Variants in TUFT1 observed in about 807,000 individuals in gnomAD.
TUFT1 encodes tuftelin.
TUFT1 carries 43 observed loss-of-function variants against 57.8 expected under a neutral mutation model. That is an observed-to-expected ratio of 0.74 (90% CI 0.58 to 0.96). The LOEUF is 0.96. Ranked by LOEUF, TUFT1 falls within the 40% of genes least tolerant of loss-of-function variation. TUFT1 has a pLI of 0.00. For synonymous variants in TUFT1, 166 were observed against 176.7 expected, an observed-to-expected ratio of 0.94 and a Z score of 0.48; for missense variants, 459 against 489.0, an observed-to-expected ratio of 0.94 and a Z score of 0.58.
At chr1:151,557,989 TAAAAAA>T (rs961018076) in intron 1 of TUFT1, 1 of 333,818 alleles carries the variant, frequency 3.0e-6, no homozygotes, top group Admixed American at 3.9e-5. Flanking sequence ...CAAAAAAACT[TAAAAAA>T]AAAAAAAGAA....
Position 151,564,566 on chromosome 1 carries a change from C to T in TUFT1, c.366C>T (p.Ser122=). The T allele has an allele frequency of 6.2e-7, 1 of 1,614,150 alleles. No homozygotes were observed. Among genetic ancestry groups the T allele is most frequent in the Non-Finnish European group, 8.5e-7 (1 of 1,180,020 alleles). Residue 122 remains serine, a synonymous_variant, in exon 5 of 13, where the codon AGC becomes AGT. Coordinates refer to ENST00000368849, the MANE Select transcript of TUFT1 (RefSeq NM_020127.3). ...AGAAGCTCCGGGAGGATATAAGTAG[C>T]AAGCTTGACAGGAACCTAGGAGATT... is the stretch of plus-strand genomic sequence containing the variant. ...CLQKLREDIS[S]KLDRNLGDSL...
Position 151,574,407 on chromosome 1 carries a change from G to C in TUFT1, c.723+9G>C. ...TGCTAGGGATGGAGACGGTAACCGG[G>C]GGATCTTGCTTGTCAGTGCCTGGAC... On this transcript the variant is annotated intron_variant, in intron 8 of 12. Coordinates refer to ENST00000368849, the MANE Select transcript of TUFT1 (RefSeq NM_020127.3). The C allele has an allele frequency of 1.2e-6, 2 of 1,613,822 alleles. No homozygotes were observed. The highest frequency in any genetic ancestry group is 1.7e-6 in the Non-Finnish European group (2 of 1,179,902).
intron 4 of TUFT1, 106 bp downstream of exon 4, chr1:151,564,096 C>T (rs1291993507): frequency 1.1e-6 from 1 of 874,534 alleles, no homozygotes. Context: ...CTTCTTTTTC[C>T]TTTATGTCTC....
chr1:151,579,547 G>T, intron 10 of TUFT1, 102 bp from the exon 11 acceptor site: 1 of 1,096,244 alleles, frequency 9.1e-7, no homozygotes, highest in Non-Finnish European at 1.4e-6. Context: ...GTCATATGGA[G>T]TTGCAGGGCT....
rs1271721767 is a variant in TUFT1 at position 151,564,584 on chromosome 1, A to G, written c.384A>G (p.Leu128=). The change falls in exon 5 of 13, where the codon CTA becomes CTG. Residue 128 remains leucine (L), a synonymous_variant. Coordinates refer to ENST00000368849, the MANE Select transcript of TUFT1 (RefSeq NM_020127.3). ...TAAGTAGCAAGCTTGACAGGAACCT[A>G]GGAGATTCTCTCCATCGACAGGAGA... ...EDISSKLDRN[L]GDSLHRQEIQ... is the part of the protein sequence containing the mutation. 1 of 1,613,832 alleles carries G rather than the reference A, an allele frequency of 6.2e-7. No homozygotes were observed. Among genetic ancestry groups the G allele is most frequent in the Non-Finnish European group, 8.5e-7 (1 of 1,179,842 alleles).
chr1:151,577,442 T>TA (rs1446533436), intron 9 of TUFT1, among the ~76,000 whole-genome samples: 1 of 152,054 alleles, frequency 6.6e-6, no homozygotes, highest in Non-Finnish European at 1.5e-5. Flanking sequence ...CACTCATCAG[T>TA]CTTGGAGATG....
chr1:151,557,944 T>C, intron 1 of TUFT1: 1 of 647,092 alleles, frequency 1.5e-6, no homozygotes. Context: ...TCAGTAAAAT[T>C]GGAGAGGATT....
chr1:151,564,447 A>T, intron 4 of TUFT1, 78 bp from the exon 5 acceptor site: 1 of 1,069,300 alleles, frequency 9.4e-7, no homozygotes, highest in East Asian at 2.5e-5. Flanking sequence ...CAGGCCAGGG[A>T]TGGGGCACAG....
chr1:151,575,060 G>A (rs1666418315), intron 9 of TUFT1, 55 bp downstream of exon 9: 1 of 1,468,022 alleles, frequency 6.8e-7, no homozygotes, highest in Non-Finnish European at 9.3e-7. Flanking sequence ...GGGGAGGGCA[G>A]GCCATACAGC....
At chr1:151,566,012 CTT>C in intron 5 of TUFT1, 149 bp from the exon 6 acceptor site, 2 of 265,336 alleles carry the variant, frequency 7.5e-6, no homozygotes, top group Non-Finnish European at 1.4e-5. Flanking sequence ...TTCTCCCTCC[CTT>C]TCTTTTTCTC....
In TUFT1 at chr1:151,574,260, C is replaced by T. The variant is rs762780238; in HGVS notation, c.595-10C>T. On this transcript the variant is annotated splice_polypyrimidine_tract_variant and intron_variant, in intron 7 of 12. Coordinates refer to ENST00000368849, the MANE Select transcript of TUFT1 (RefSeq NM_020127.3). ...CACACCATTTAACATATTCCTGCTC[C>T]GTGTTTTAGGTCACACTCAGCCGGT... 1.2e-5 allele frequency: 20 copies of T among 1,611,606 alleles called. No homozygotes were observed. The highest frequency in any genetic ancestry group is 3.3e-4 in the Middle Eastern group (2 of 6,046).
intron 1 of TUFT1, chr1:151,561,875 GA>G: frequency 6.6e-7 from 1 of 1,508,482 alleles, no homozygotes; most frequent in South Asian, 1.2e-5. Context: ...TGTTGTGAAA[GA>G]AAAAACTGTT....
chr1:151,555,698 A>G (rs1310984385), intron 1 of TUFT1, among the ~76,000 whole-genome samples: 1 of 148,622 alleles, frequency 6.7e-6, no homozygotes, highest in African/African-American at 2.5e-5. Flanking sequence ...AATCGTTTGA[A>G]CCCAGGAGGC....
chr1:151,559,187 T>C (rs890592410), intron 1 of TUFT1, among the ~76,000 whole-genome samples: 16 of 152,222 alleles, frequency 1.1e-4, no homozygotes, highest in Non-Finnish European at 2.2e-4. Context: ...TTTTGTAATA[T>C]TTTCTTGACC....
At chr1:151,556,735 C>A (rs535503238) in intron 1 of TUFT1, among the ~76,000 whole-genome samples, 2 of 152,130 alleles carry the variant, frequency 1.3e-5, no homozygotes, top group Admixed American at 1.3e-4. Context: ...TTTGGGAGAC[C>A]AAGGCAGATG....
intron 7 of TUFT1, among the ~76,000 whole-genome samples, chr1:151,570,407 G>A (rs370591810): frequency 2.0e-5 from 3 of 151,614 alleles, no homozygotes; most frequent in Admixed American, 6.6e-5. Context: ...TCAGCCTCCC[G>A]AGTAGCTGGT....
intron 1 of TUFT1, among the ~76,000 whole-genome samples, chr1:151,555,531 C>T (rs1162914912): frequency 6.7e-6 from 1 of 149,530 alleles, no homozygotes; most frequent in Admixed American, 6.7e-5. Context: ...GTAATCCAAG[C>T]ACTTTGGGAG....
Position 151,581,079 on chromosome 1 carries a change from G to A in TUFT1, c.1109+37G>A, listed in dbSNP as rs763029437. ...TGTGTAGATAGAATGGGGCCAGGGA[G>A]GAGGGGAGAAGGAGGGACAGAGCTC... On this transcript the variant is annotated intron_variant, in intron 12 of 12. Coordinates refer to ENST00000368849, the MANE Select transcript of TUFT1 (RefSeq NM_020127.3). 13 of 1,584,036 alleles carry A rather than the reference G, an allele frequency of 8.2e-6. No homozygotes were observed. The East Asian group carries it at 2.7e-4, about 33-fold the overall frequency.
At chr1:151,556,155 G>T (rs1466288643) in intron 1 of TUFT1, among the ~76,000 whole-genome samples, 1 of 152,192 alleles carries the variant, frequency 6.6e-6, no homozygotes, top group Non-Finnish European at 1.5e-5. Flanking sequence ...TCTGGAGAGT[G>T]TTGTTGCATG....
Sources: allele counts gnomAD v4.1 joint callset (sites outside exome capture counted in the v4.1 genomes callset), GRCh38; gene constraint gnomAD v4.1.1; transcripts MANE v1.5; gene names NCBI Gene and HGNC (gene_info 2026-07-23, HGNC 2026-07-21).